Variants in RPS6KA2 observed in about 807,000 individuals in gnomAD.
The protein encoded by RPS6KA2 is ribosomal protein S6 kinase alpha-2.
A neutral mutation model predicts 91.8 loss-of-function variants in RPS6KA2; 42 were observed. That is an observed-to-expected ratio of 0.46 (90% CI 0.36 to 0.59). The LOEUF (loss-of-function observed/expected upper bound fraction) is 0.59, where lower values mean the gene tolerates loss of function less well. RPS6KA2 is among the 20% of genes least tolerant of loss of function. RPS6KA2 has a pLI of 0.00. For synonymous variants in RPS6KA2, 414 were observed against 393.6 expected, an observed-to-expected ratio of 1.05 and a Z score of -0.61; for missense variants, 798 against 978.5, an observed-to-expected ratio of 0.82 and a Z score of 2.46.
Position 166,578,706 on chromosome 6 carries a change from G to T in RPS6KA2, c.100-39922C>A, listed in dbSNP as rs559059701. Among the ~76,000 whole-genome samples the T allele has an allele frequency of 2.6e-5, 4 of 152,286 alleles. No individual in the cohort carries two copies. The South Asian group carries it at 6.2e-4, about 24-fold the overall frequency. The stretch of plus-strand genomic sequence containing the variant: ...GTGACAGCAGTGTCTGGACCAGCAG[G>T]GCTGCTCACAGGAGTCACCGTGCCA... On this transcript the variant is annotated intron_variant, in intron 1 of 20. Coordinates refer to ENST00000265678, the MANE Select transcript of RPS6KA2 (RefSeq NM_021135.6).
chr6:166,706,172 A>T (rs763879323), intron 2 of RPS6KA2, among the ~76,000 whole-genome samples: 1 of 152,214 alleles, frequency 6.6e-6, no homozygotes, highest in Non-Finnish European at 1.5e-5. Flanking sequence ...ATGGACTAAC[A>T]CACCTGCAAT....
At chr6:166,491,590 A>G (rs3817784) in intron 8 of RPS6KA2, among the ~76,000 whole-genome samples, 76,201 of 152,048 alleles carry the variant, frequency 0.5, 19,853 homozygotes, top group East Asian at 0.64. Flanking sequence ...CTTTCACGTC[A>G]GTTTAAATTA....
intron 2 of RPS6KA2, among the ~76,000 whole-genome samples, chr6:166,704,364 G>T (rs918778029): frequency 6.6e-6 from 1 of 152,218 alleles, no homozygotes; most frequent in Non-Finnish European, 1.5e-5. Context: ...TACTGCTGAT[G>T]AAATGCAGCC....
chr6:166,575,349 G>A (rs750710153), intron 1 of RPS6KA2, among the ~76,000 whole-genome samples: 1 of 152,254 alleles, frequency 6.6e-6, no homozygotes, highest in East Asian at 1.9e-4. Context: ...TATTTTCAGC[G>A]CTGGCTTTTG....
intron 1 of RPS6KA2, among the ~76,000 whole-genome samples, chr6:166,858,550 T>A (rs1349054708): frequency 6.6e-6 from 1 of 152,178 alleles, no homozygotes; most frequent in Non-Finnish European, 1.5e-5. Context: ...TACGGTACAA[T>A]CTAAAGGACG....
intron 17 of RPS6KA2, among the ~76,000 whole-genome samples, chr6:166,420,324 T>C (rs1778677961): frequency 6.6e-6 from 1 of 152,180 alleles, no homozygotes; most frequent in Admixed American, 6.5e-5. Context: ...CCATTTACAT[T>C]GTGGTGCCAA....
intron 1 of RPS6KA2, among the ~76,000 whole-genome samples, chr6:166,614,378 G>A (rs1452884452): frequency 6.6e-6 from 1 of 152,144 alleles, no homozygotes; most frequent in Non-Finnish European, 1.5e-5. Flanking sequence ...GAAGGACACT[G>A]GGACACAGCT....
At chr6:166,823,609 T>A (rs1278837548) in intron 2 of RPS6KA2, among the ~76,000 whole-genome samples, 1 of 152,156 alleles carries the variant, frequency 6.6e-6, no homozygotes, top group East Asian at 1.9e-4. Flanking sequence ...GAACAAAATT[T>A]TCTGTGAGTG....
intron 2 of RPS6KA2, among the ~76,000 whole-genome samples, chr6:166,848,895 C>G (rs779764231): frequency 5.3e-5 from 8 of 151,726 alleles, no homozygotes; most frequent in Non-Finnish European, 1.0e-4. Flanking sequence ...CCCCAAAATC[C>G]TATTGAAATA....
At chr6:166,615,851 G>A (rs775873828) in intron 1 of RPS6KA2, among the ~76,000 whole-genome samples, 4 of 152,130 alleles carry the variant, frequency 2.6e-5, no homozygotes, top group East Asian at 1.9e-4. Flanking sequence ...CCCACTCAGC[G>A]CAGGACTCCC....
chr6:166,510,591 A>ATC (rs1782439788), intron 3 of RPS6KA2, among the ~76,000 whole-genome samples: 2 of 48,914 alleles, frequency 4.1e-5, no homozygotes. Flanking sequence ...ATATATATAT[A>ATC]TATATATATA....
rs752070216 is a variant in RPS6KA2 at position 166,510,268 on chromosome 6, TC to T, written c.379+8del. On this transcript the variant is annotated splice_region_variant and intron_variant, in intron 4 of 20. Transcript: ENST00000265678. ...GTCCTCTTTAAAGTGTCATTTTGAC[TC>T]TACTTACCATAATGAAGCTTCACAA... 3.0e-5 allele frequency: 46 copies of T among 1,557,502 alleles called. No homozygotes were observed. The highest frequency in any genetic ancestry group is 4.1e-5 in the Non-Finnish European group (46 of 1,133,180).
intron 2 of RPS6KA2, among the ~76,000 whole-genome samples, chr6:166,711,972 G>A (rs1313983735): frequency 6.6e-6 from 1 of 152,220 alleles, no homozygotes; most frequent in East Asian, 1.9e-4. Context: ...TATCAGGAAT[G>A]AAACAGAGAA....
At chr6:166,429,749 C>A (rs1054391831) in intron 16 of RPS6KA2, among the ~76,000 whole-genome samples, 1 of 152,140 alleles carries the variant, frequency 6.6e-6, no homozygotes, top group Non-Finnish European at 1.5e-5. Flanking sequence ...CTGCATCCAG[C>A]AAAATTATTG....
chr6:166,705,334 C>T lies in RPS6KA2; in HGVS notation c.123+152866G>A, dbSNP rs114471013. Among the ~76,000 whole-genome samples, 1,130 of 152,312 alleles carry T rather than the reference C, an allele frequency of 7.4e-3. 10 individuals are homozygous for T. The highest frequency in any genetic ancestry group is 0.024 in the Middle Eastern group (7 of 294). The stretch of plus-strand genomic sequence containing the variant: ...TGTCCGTTTCTCTTTGTCTCTGCTG[C>T]CACCTTCATCTTACACCTGAATCAC... On this transcript the variant is annotated intron_variant, in intron 2 of 21. Transcript: ENST00000503859.
intron 1 of RPS6KA2, among the ~76,000 whole-genome samples, chr6:166,614,128 C>T (rs945926817): frequency 6.6e-6 from 1 of 152,258 alleles, no homozygotes; most frequent in Non-Finnish European, 1.5e-5. Context: ...AGATGTCTCC[C>T]TGGACTGCCC....
intron 14 of RPS6KA2, among the ~76,000 whole-genome samples, chr6:166,440,915 C>T (rs1003722909): frequency 6.6e-5 from 10 of 152,228 alleles, no homozygotes; most frequent in African/African-American, 2.4e-4. Flanking sequence ...TCCAGAAAGG[C>T]AGCTTCCCAG....
In RPS6KA2 at chr6:166,855,259, GA is replaced by G. The variant is rs569521817; in HGVS notation, c.123+2940del. Among the ~76,000 whole-genome samples the G allele has an allele frequency of 3.7e-4, 56 of 152,264 alleles. No homozygotes were observed. The East Asian group carries it at 9.8e-3, about 27-fold the overall frequency. On this transcript the variant is annotated intron_variant, in intron 2 of 21. Transcript: ENST00000503859. ...CACTGTTCTGGTAATGGCTATGCTA[GA>G]AGTCCAGAATTCATGACTACACAAT...
chr6:166,650,803 G>T (rs35270584), intron 2 of RPS6KA2, among the ~76,000 whole-genome samples: 2 of 152,196 alleles, frequency 1.3e-5, no homozygotes, highest in Non-Finnish European at 2.9e-5. Context: ...CCATCTGTAA[G>T]AAAGGCTCTT....
Sources: allele counts gnomAD v4.1 joint callset (sites outside exome capture counted in the v4.1 genomes callset), GRCh38; gene constraint gnomAD v4.1.1; transcripts MANE v1.5; gene names NCBI Gene and HGNC (gene_info 2026-07-23, HGNC 2026-07-21).